The following EIF2AK1 variants were observed in gnomAD, a reference collection of about 807,000 sequenced individuals.
The protein encoded by EIF2AK1 is eukaryotic translation initiation factor 2-alpha kinase 1.
EIF2AK1 carries 54 observed loss-of-function variants against 77.9 expected under a neutral mutation model. The ratio of observed to expected loss-of-function variants is 0.69; its 90% CI spans 0.56 to 0.87. The LOEUF (loss-of-function observed/expected upper bound fraction) is 0.87. EIF2AK1 is among the 40% of genes least tolerant of loss of function. The pLI is 0.00. For synonymous variants in EIF2AK1, 314 were observed against 290.5 expected (o/e 1.08, Z -0.82); for missense variants, 810 against 768.6 (o/e 1.05, Z -0.64).
intron 5 of EIF2AK1, chr7:6,046,589 C>G (rs1788450222): frequency 6.2e-6 from 1 of 161,534 alleles, no homozygotes; most frequent in Admixed American, 6.3e-5. Context: ...TGGAATTTTC[C>G]TTTGAGTACA....
chr7:6,053,590 C>G (rs1244789445), intron 2 of EIF2AK1, among the ~76,000 whole-genome samples: 1 of 151,184 alleles, frequency 6.6e-6, no homozygotes, highest in Non-Finnish European at 1.5e-5. Context: ...GTCTCGATCT[C>G]TTGACCTCAT....
chr7:6,031,737 T>G, intron 11 of EIF2AK1: 1 of 790,810 alleles, frequency 1.3e-6, no homozygotes, highest in Non-Finnish European at 2.0e-6. Context: ...ACTGCAGTGC[T>G]CCCCAAAGCC....
At chr7:6,040,608 CACAA>C (rs1257390534) in intron 9 of EIF2AK1, among the ~76,000 whole-genome samples, 6 of 152,196 alleles carry the variant, frequency 3.9e-5, no homozygotes, top group South Asian at 2.1e-4. Flanking sequence ...TAACATACAA[CACAA>C]ACAGAGTGTG....
rs948393554 is a variant in EIF2AK1 at position 6,024,150 on chromosome 7, T to C, written c.*523A>G. The C allele has an allele frequency of 1.3e-5, 17 of 1,292,728 alleles. No homozygotes were observed. The highest frequency in any genetic ancestry group is 2.3e-5 in the Admixed American group (1 of 43,658). 80.1% of individuals were successfully genotyped at this position (1,292,728 alleles called of 1,614,324 possible). A position where few individuals can be genotyped will look rare whatever the true frequency, so the allele number is the denominator to read the frequency against. Reference sequence around the variant, plus strand: ...AGAGAACAGATAAAAAGGTTGGAAGTTGCACACTGTACACTGTTAAGAAGT... The same window carrying C: ...AGAGAACAGATAAAAAGGTTGGAAGCTGCACACTGTACACTGTTAAGAAGT... On this transcript the variant is annotated 3_prime_UTR_variant, in exon 15 of 15. Transcript: ENST00000199389.
At chr7:6,029,935 G>C (rs1240345531) in intron 11 of EIF2AK1, among the ~76,000 whole-genome samples, 2 of 151,588 alleles carry the variant, frequency 1.3e-5, no homozygotes, top group Non-Finnish European at 2.9e-5. Flanking sequence ...AGACGAGATC[G>C]CATCACTGCA....
chr7:6,031,607 C>T (rs1313498442), intron 11 of EIF2AK1: 1 of 1,549,632 alleles, frequency 6.5e-7, no homozygotes, highest in African/African-American at 1.4e-5. Context: ...CTCTTTTCTG[C>T]TCAGTCACTT....
Position 6,023,793 on chromosome 7 carries a change from T to TA in EIF2AK1, c.*879dup. On this transcript the variant is annotated 3_prime_UTR_variant, in exon 15 of 15. Transcript: ENST00000199389. ...GTATTAGAGTCAGAGTCTTTTTATT[T>TA]AGGCCAGTTGTCAAGTGTCAATAAA... 1.9e-6 allele frequency: 3 copies of TA among 1,592,570 alleles called. No homozygotes were observed. The South Asian group carries it at 3.4e-5, about 18-fold the overall frequency.
At position 6,032,174 on chromosome 7, in the gene EIF2AK1, TCAAA is replaced by T. The variant is rs1032273674; in HGVS notation, c.1333-3146_1333-3143del. Among the ~76,000 whole-genome samples, 11 of 152,186 alleles carry T rather than the reference TCAAA, an allele frequency of 7.2e-5. No homozygotes were observed. Among genetic ancestry groups the T allele is most frequent in the Admixed American group, 2.0e-4 (3 of 15,278 alleles). Reference sequence around the variant, plus strand: ...CTGGATGACAGAGCAAGACTCCATCTCAAACAAACAAACAAAAAATAGTTTTTCC... The same window carrying T: ...CTGGATGACAGAGCAAGACTCCATCTCAAACAAACAAAAAATAGTTTTTCC... On this transcript the variant is annotated intron_variant, in intron 11 of 14. Coordinates refer to ENST00000199389, the MANE Select transcript of EIF2AK1 (RefSeq NM_014413.4). The surrounding 1 kb of genome is among the most constrained non-coding windows in gnomAD (Gnocchi z 4.3).
Position 6,036,702 on chromosome 7 carries a change from AAT to A in EIF2AK1, c.1332+720_1332+721del, listed in dbSNP as rs1788108957. 6.6e-6 allele frequency among the ~76,000 whole-genome samples: 1 copy of A among 152,198 alleles called. No individual in the cohort carries two copies. The highest frequency in any genetic ancestry group is 2.4e-5 in the African/African-American group (1 of 41,454). ...GATAGCCTTTTGTGGATAAAAATCA[AAT>A]AGTCATTATAGACTTTTCTAAAACA... On this transcript the variant is annotated intron_variant, in intron 11 of 14. Transcript: ENST00000199389. The surrounding 1 kb of genome is among the most constrained non-coding windows in gnomAD (Gnocchi z 4.6).
intron 1 of EIF2AK1, among the ~76,000 whole-genome samples, chr7:6,058,608 C>G (rs1412720830): frequency 6.6e-6 from 1 of 152,208 alleles, no homozygotes; most frequent in Non-Finnish European, 1.5e-5. Flanking sequence ...GCAAAGTCTC[C>G]TTGCAGTAAT....
chr7:6,042,983 A>G lies in EIF2AK1; in HGVS notation c.741T>C (p.Ala247=). 6.2e-7 allele frequency: 1 copy of G among 1,614,162 alleles called. No homozygotes were observed. The highest frequency in any genetic ancestry group is 8.5e-7 in the Non-Finnish European group (1 of 1,179,992). The change falls in exon 8 of 15, where the codon GCT becomes GCC. Residue 247 remains alanine, a synonymous_variant. Coordinates refer to ENST00000199389, the MANE Select transcript of EIF2AK1 (RefSeq NM_014413.4). Reference sequence around the variant, plus strand: ...CTTCCAGAGATGGCAACTCAATGGCAGCTCTGTCTGCTGAATGAAAACAAA... The same window carrying G: ...CTTCCAGAGATGGCAACTCAATGGCGGCTCTGTCTGCTGAATGAAAACAAA... The part of the protein sequence containing the change: ...VHVIQPRADR[A]AIELPSLEVL...
At chr7:6,028,068 C>T in intron 13 of EIF2AK1, 1 of 361,956 alleles carries the variant, frequency 2.8e-6, no homozygotes, top group South Asian at 2.0e-5. Context: ...GTCTCAAAAA[C>T]AACAAATGAA....
In EIF2AK1 at chr7:6,026,828, A is replaced by G; in HGVS notation, c.1664T>C (p.Val555Ala). The G allele has an allele frequency of 1.2e-6, 2 of 1,614,178 alleles. No individual in the cohort carries two copies. The highest frequency in any genetic ancestry group is 1.7e-6 in the Non-Finnish European group (2 of 1,180,024). Residue 555 changes from valine to alanine, a missense_variant, in exon 14 of 15, where the codon GTG (valine) becomes GCG (alanine). Around this residue, in one of 3 missense-constraint regions of EIF2AK1, gnomAD observed 549 missense variants for 533.7 expected, o/e 1.03. Coordinates refer to ENST00000199389, the MANE Select transcript of EIF2AK1 (RefSeq NM_014413.4). ...LPESLRKRCP[V>A]QAKYIQHLTR... ...TAAGTGCTGGATATACTTGGCTTGCACTGGACACCTTTTACGGAGGGATTC... is the reference window on the plus strand; with the variant it reads ...TAAGTGCTGGATATACTTGGCTTGCGCTGGACACCTTTTACGGAGGGATTC...
chr7:6,056,611 A>ATATATATATATATATATATATAT (rs1360501857), intron 1 of EIF2AK1, among the ~76,000 whole-genome samples: 2 of 31,158 alleles, frequency 6.4e-5, no homozygotes, highest in Non-Finnish European at 1.5e-4. Context: ...AAAAAAAAAA[A>ATATATATATATATATATATATAT]AAATATATAT....
At chr7:6,025,403 G>C (rs921864348) in intron 14 of EIF2AK1, among the ~76,000 whole-genome samples, 1 of 150,624 alleles carries the variant, frequency 6.6e-6, no homozygotes, top group South Asian at 2.1e-4. Flanking sequence ...CTCATGATCC[G>C]CCTGCCTCAG....
At chr7:6,048,430 A>G (rs974402136) in intron 4 of EIF2AK1, among the ~76,000 whole-genome samples, 15 of 152,226 alleles carry the variant, frequency 9.9e-5, no homozygotes, top group Non-Finnish European at 1.8e-4. Context: ...TAATAGCTGA[A>G]TAACACTTTA....
At chr7:6,041,270 G>T (rs1444880456) in intron 8 of EIF2AK1, 51 bp from the exon 9 acceptor site, 2 of 1,530,762 alleles carry the variant, frequency 1.3e-6, no homozygotes, top group African/African-American at 2.8e-5. Context: ...CGAGCACAGT[G>T]GCTCATGCCT....
chr7:6,023,871 C>G lies in EIF2AK1; in HGVS notation c.*802G>C. The G allele has an allele frequency of 6.5e-7, 1 of 1,532,798 alleles. No homozygotes were observed. Among genetic ancestry groups the G allele is most frequent in the Non-Finnish European group, 8.8e-7 (1 of 1,138,932 alleles). The allele number at this position is 1,532,798 out of a possible 1,614,324, so 94.9% of individuals were successfully genotyped here. A position where few individuals can be genotyped will look rare whatever the true frequency, so the allele number is the denominator to read the frequency against. On this transcript the variant is annotated 3_prime_UTR_variant, in exon 15 of 15. Coordinates refer to ENST00000199389, the MANE Select transcript of EIF2AK1 (RefSeq NM_014413.4). ...TTATTTAAAATTCAGCAAAATCATA[C>G]GCCATCTACCGTGATGACTGCCAAC...
chr7:6,025,606 T>G (rs1240715076), intron 14 of EIF2AK1, among the ~76,000 whole-genome samples: 1 of 152,252 alleles, frequency 6.6e-6, no homozygotes, highest in Non-Finnish European at 1.5e-5. Context: ...TGCACAAATA[T>G]GAGTCTAAGC....
Sources: allele counts gnomAD v4.1 joint callset (sites outside exome capture counted in the v4.1 genomes callset), GRCh38; gene constraint gnomAD v4.1.1; regional missense constraint gnomAD v4.1.1; non-coding constraint Gnocchi (gnomAD v3.1); transcripts MANE v1.5; gene names NCBI Gene and HGNC (gene_info 2026-07-23, HGNC 2026-07-21).